RTTN: variants seen among roughly 807,000 people sequenced by gnomAD.
RTTN encodes rotatin.
In RTTN, 182 loss-of-function variants were observed where a neutral mutation model predicts 269.2. That is an observed-to-expected ratio of 0.68 (90% CI 0.60 to 0.76). RTTN has a LOEUF of 0.76. RTTN is among the 30% of genes least tolerant of loss of function. The pLI is 0.00. For synonymous variants in RTTN, 1,006 were observed against 963.5 expected (o/e 1.04, Z -0.82); for missense variants, 2,545 against 2,608.6 (o/e 0.98, Z 0.53).
chr18:70,118,322 T>C (rs2059649350), intron 26 of RTTN, among the ~76,000 whole-genome samples: 1 of 151,954 alleles, frequency 6.6e-6, no homozygotes, highest in African/African-American at 2.4e-5. Context: ...TTATGAACAA[T>C]TTCATGTCAA....
intron 10 of RTTN, among the ~76,000 whole-genome samples, chr18:70,183,621 G>A (rs1165970507): frequency 6.6e-6 from 1 of 152,088 alleles, no homozygotes; most frequent in East Asian, 1.9e-4. Context: ...GACATCTTGA[G>A]CTAAAACATT....
intron 10 of RTTN, among the ~76,000 whole-genome samples, chr18:70,185,011 A>C (rs1357351061): frequency 6.6e-6 from 1 of 152,112 alleles, no homozygotes; most frequent in African/African-American, 2.4e-5. Flanking sequence ...TAATTAAGTC[A>C]GTTGGGTATT....
chr18:70,129,275 T>C (rs1430380127), intron 23 of RTTN: 1 of 151,786 alleles, frequency 6.6e-6, no homozygotes, highest in Admixed American at 6.6e-5. Context: ...AAAGAAATTT[T>C]AAAACTCCTA....
At chr18:70,124,994 T>C (rs906361658) in intron 25 of RTTN, among the ~76,000 whole-genome samples, 1 of 152,070 alleles carries the variant, frequency 6.6e-6, no homozygotes, top group Non-Finnish European at 1.5e-5. Flanking sequence ...TACTAAACCA[T>C]GACTATCATC....
At position 70,196,407 on chromosome 18, in the gene RTTN, G is replaced by A. The variant is rs543868656; in HGVS notation, c.841+94C>T. 69 of 1,082,442 alleles carry A rather than the reference G, an allele frequency of 6.4e-5. 1 individual carries two copies. The highest frequency in any genetic ancestry group is 5.8e-4 in the African/African-American group (36 of 62,094). The allele number at this position is 1,082,442 out of a possible 1,614,324, so 67.1% of individuals were successfully genotyped here. ...TGGGGAGTTTATGTTGTGAAAATGCGTACACAATAAACCCTAACAGTAACT... is the reference window on the plus strand; with the variant it reads ...TGGGGAGTTTATGTTGTGAAAATGCATACACAATAAACCCTAACAGTAACT... On this transcript the variant is annotated intron_variant, in intron 7 of 48. Transcript: ENST00000640769.
intron 10 of RTTN, among the ~76,000 whole-genome samples, chr18:70,181,452 G>A (rs1028047658): frequency 3.9e-5 from 6 of 152,014 alleles, no homozygotes; most frequent in African/African-American, 1.4e-4. Flanking sequence ...CATACTTTAG[G>A]TCAGCATAAC....
intron 45 of RTTN, chr18:70,019,814 T>C (rs1015697627): frequency 3.3e-5 from 5 of 152,202 alleles, no homozygotes; most frequent in African/African-American, 1.2e-4. Context: ...TTTCTATTTA[T>C]GTGGTGATAA....
intron 45 of RTTN, 96 bp downstream of exon 45, chr18:70,020,519 T>C (rs759136127): frequency 8.7e-5 from 105 of 1,208,628 alleles, no homozygotes; most frequent in Non-Finnish European, 1.1e-4. Flanking sequence ...TGCCTCAAAA[T>C]CATAATAATC....
At chr18:70,205,601 T>C (rs774115226) in intron 1 of RTTN, 27 bp downstream of exon 1, 3 of 1,613,926 alleles carry the variant, frequency 1.9e-6, no homozygotes, top group East Asian at 4.5e-5. Flanking sequence ...GGGGGGTGCC[T>C]TGGGCGAGGG....
chr18:70,052,873 G>T (rs1211656322), intron 38 of RTTN, among the ~76,000 whole-genome samples: 1 of 151,978 alleles, frequency 6.6e-6, no homozygotes, highest in Non-Finnish European at 1.5e-5. Flanking sequence ...TTCAGATATT[G>T]ACATTTTTTC....
intron 46 of RTTN, among the ~76,000 whole-genome samples, chr18:70,014,789 C>G (rs1452613660): frequency 6.6e-6 from 1 of 151,998 alleles, no homozygotes; most frequent in Admixed American, 6.6e-5. Flanking sequence ...AGCAGGATAG[C>G]CAGTAAGAAT....
At chr18:70,093,170 A>T (rs1350032161) in intron 28 of RTTN, among the ~76,000 whole-genome samples, 1 of 152,126 alleles carries the variant, frequency 6.6e-6, no homozygotes, top group Non-Finnish European at 1.5e-5. Flanking sequence ...GCACCACTGC[A>T]CTTGGCCTAA....
chr18:70,129,117 A>C (rs1020988943), intron 23 of RTTN: 1 of 152,128 alleles, frequency 6.6e-6, no homozygotes, highest in African/African-American at 2.4e-5. Flanking sequence ...TTTAGAAATA[A>C]AAACAGATTC....
At chr18:70,171,419 T>C (rs1225356895) in intron 11 of RTTN, among the ~76,000 whole-genome samples, 2 of 152,206 alleles carry the variant, frequency 1.3e-5, no homozygotes, top group Non-Finnish European at 2.9e-5. Flanking sequence ...ATATGGCATA[T>C]AGCACTCAAT....
intron 35 of RTTN, among the ~76,000 whole-genome samples, chr18:70,061,772 T>C (rs1332480149): frequency 6.6e-6 from 1 of 152,112 alleles, no homozygotes; most frequent in Admixed American, 6.5e-5. Flanking sequence ...AGGTGGCAAC[T>C]GCAGTGAACT....
At chr18:70,162,943 C>T (rs1490970800) in intron 14 of RTTN, among the ~76,000 whole-genome samples, 1 of 128,058 alleles carries the variant, frequency 7.8e-6, no homozygotes, top group East Asian at 2.3e-4. Context: ...AAGAACAAGT[C>T]AGTTAAAGAA....
intron 17 of RTTN, among the ~76,000 whole-genome samples, chr18:70,147,515 A>G (rs2060425851): frequency 6.6e-6 from 1 of 152,156 alleles, no homozygotes; most frequent in Non-Finnish European, 1.5e-5. Flanking sequence ...GGATGCATCC[A>G]TGTCATTAAG....
intron 8 of RTTN, among the ~76,000 whole-genome samples, chr18:70,191,166 C>G (rs1467773127): frequency 6.6e-6 from 1 of 151,868 alleles, no homozygotes; most frequent in Non-Finnish European, 1.5e-5. Flanking sequence ...TGCACTCCAG[C>G]CTGGGCGACA....
In RTTN at chr18:70,056,271, A is replaced by T. The variant is rs900323372; in HGVS notation, c.5031+1471T>A. 3.9e-5 allele frequency among the ~76,000 whole-genome samples: 6 copies of T among 152,164 alleles called. No individual in the cohort carries two copies. In the East Asian group the frequency reaches 1.2e-3, roughly 29 times the overall value. On this transcript the variant is annotated intron_variant, in intron 37 of 48. Coordinates refer to ENST00000640769, the MANE Select transcript of RTTN (RefSeq NM_173630.4). The stretch of plus-strand genomic sequence containing the variant: ...AAGAGCCCAGAAGCATTTAATCTAC[A>T]TAAGGCCAGCTGGTGCAGTGGTTAA...
Sources: allele counts gnomAD v4.1 joint callset (sites outside exome capture counted in the v4.1 genomes callset), GRCh38; gene constraint gnomAD v4.1.1; transcripts MANE v1.5; gene names NCBI Gene and HGNC (gene_info 2026-07-23, HGNC 2026-07-21).